RNF144B: variants seen among roughly 807,000 people sequenced by gnomAD.
RNF144B encodes the protein ring finger protein 144B, also known as E3 ubiquitin-protein ligase RNF144B.
RNF144B carries 25 observed loss-of-function variants against 40.2 expected under a neutral mutation model. The ratio of observed to expected loss-of-function variants is 0.62; its 90% CI spans 0.45 to 0.87. The LOEUF is 0.87. Ranked by LOEUF, RNF144B falls within the 40% of genes least tolerant of loss-of-function variation. The pLI is 0.00. For synonymous variants in RNF144B, 145 were observed against 136.3 expected, an observed-to-expected ratio of 1.06 and a Z score of -0.44; for missense variants, 365 against 373.7, an observed-to-expected ratio of 0.98 and a Z score of 0.19.
chr6:18,449,065 A>G (rs1759150235), intron 4 of RNF144B, among the ~76,000 whole-genome samples: 1 of 152,214 alleles, frequency 6.6e-6, no homozygotes, highest in Non-Finnish European at 1.5e-5. Flanking sequence ...GATGGTTTCT[A>G]TAGTGAGTAG....
Position 18,442,035 on chromosome 6 carries a change from T to A in RNF144B, c.331+2291T>A, listed in dbSNP as rs1256039617. On this transcript the variant is annotated intron_variant, in intron 4 of 7. Transcript: ENST00000259939. The surrounding 1 kb of genome is among the most constrained non-coding windows in gnomAD (Gnocchi z 4.3). ...ATACTGAAGTAGATATTATTGATTG[T>A]CTTGTTGTCAGTGGGATTAGAACAC... 6.6e-6 allele frequency among the ~76,000 whole-genome samples: 1 copy of A among 152,230 alleles called. No homozygotes were observed. Among genetic ancestry groups the A allele is most frequent in the African/African-American group, 2.4e-5 (1 of 41,456 alleles).
chr6:18,448,375 G>T lies in RNF144B; in HGVS notation c.331+8631G>T, dbSNP rs1759131581. Among the ~76,000 whole-genome samples, 1 of 152,094 alleles carries T rather than the reference G, an allele frequency of 6.6e-6. No homozygotes were observed. The highest frequency in any genetic ancestry group is 2.4e-5 in the African/African-American group (1 of 41,418). On this transcript the variant is annotated intron_variant, in intron 4 of 7. Coordinates refer to ENST00000259939, the MANE Select transcript of RNF144B (RefSeq NM_182757.4). This position sits in a 1 kb window ranked among gnomAD's most constrained non-coding sequence, Gnocchi z 4.0. ...GGACATGGATGCAGGCAGCCTAGTA[G>T]ATTGGTCTGCATGGGTTCTCTTCTA...
At position 18,446,610 on chromosome 6, in the gene RNF144B, G is replaced by T. The variant is rs905780868; in HGVS notation, c.331+6866G>T. Among the ~76,000 whole-genome samples, 1 of 152,116 alleles carries T rather than the reference G, an allele frequency of 6.6e-6. No individual in the cohort carries two copies. The highest frequency in any genetic ancestry group is 1.5e-5 in the Non-Finnish European group (1 of 68,022). ...TACTGATGCTATGTCTTATATTTCT[G>T]TTATGTCACTCCATTTAGTTACACA... On this transcript the variant is annotated intron_variant, in intron 4 of 7. Coordinates refer to ENST00000259939, the MANE Select transcript of RNF144B (RefSeq NM_182757.4). The surrounding 1 kb of genome is among the most constrained non-coding windows in gnomAD (Gnocchi z 4.7).
At chr6:18,440,866 G>A (rs1418559089) in intron 4 of RNF144B, among the ~76,000 whole-genome samples, 2 of 148,020 alleles carry the variant, frequency 1.4e-5, no homozygotes, top group African/African-American at 5.0e-5. Context: ...TAACTCATAA[G>A]GCTGATATAT....
chr6:18,428,580 T>C (rs1053980131), intron 3 of RNF144B, among the ~76,000 whole-genome samples: 2 of 152,162 alleles, frequency 1.3e-5, no homozygotes, highest in African/African-American at 2.4e-5. Context: ...TAAATTAGAA[T>C]ATAATGAACT....
At chr6:18,435,886 G>T (rs918212725) in intron 3 of RNF144B, among the ~76,000 whole-genome samples, 1 of 143,016 alleles carries the variant, frequency 7.0e-6, no homozygotes, top group Admixed American at 7.0e-5. Context: ...GTTGGGGGAG[G>T]GGGGAGGGAT....
chr6:18,442,040 T>A lies in RNF144B; in HGVS notation c.331+2296T>A, dbSNP rs1198701980. On this transcript the variant is annotated intron_variant, in intron 4 of 7. Transcript: ENST00000259939. This position sits in a 1 kb window ranked among gnomAD's most constrained non-coding sequence, Gnocchi z 4.3. ...GAAGTAGATATTATTGATTGTCTTG[T>A]TGTCAGTGGGATTAGAACACTTGAA... 6.6e-6 allele frequency among the ~76,000 whole-genome samples: 1 copy of A among 152,230 alleles called. No homozygotes were observed. Among genetic ancestry groups the A allele is most frequent in the Non-Finnish European group, 1.5e-5 (1 of 68,052 alleles).
chr6:18,395,062 A>G lies in RNF144B; in HGVS notation c.-36-4437A>G, dbSNP rs1433223624. Among the ~76,000 whole-genome samples the G allele has an allele frequency of 1.3e-5, 2 of 152,226 alleles. No individual in the cohort carries two copies. Among genetic ancestry groups the G allele is most frequent in the Non-Finnish European group, 2.9e-5 (2 of 68,048 alleles). Reference sequence around the variant, plus strand: ...GGTGCCCCTTGCATTCTCTGCCAAAATTCTTTTCACAAGGGGTTCTTGACA... The same window carrying G: ...GGTGCCCCTTGCATTCTCTGCCAAAGTTCTTTTCACAAGGGGTTCTTGACA... On this transcript the variant is annotated intron_variant, in intron 1 of 7. Coordinates refer to ENST00000259939, the MANE Select transcript of RNF144B (RefSeq NM_182757.4). The surrounding 1 kb of genome is among the most constrained non-coding windows in gnomAD (Gnocchi z 4.5).
At chr6:18,428,775 T>C (rs943405043) in intron 3 of RNF144B, among the ~76,000 whole-genome samples, 23 of 152,194 alleles carry the variant, frequency 1.5e-4, no homozygotes, top group Admixed American at 1.2e-3. Context: ...GGTGTTGCTT[T>C]CAGATAGGGA....
intron 2 of RNF144B, among the ~76,000 whole-genome samples, chr6:18,411,787 C>T (rs114383402): frequency 0.026 from 3,915 of 152,162 alleles, 70 homozygotes; most frequent in Middle Eastern, 0.048. Context: ...AGCCACCACG[C>T]CCAGCCCACC....
chr6:18,434,337 C>A lies in RNF144B; in HGVS notation c.271-5347C>A, dbSNP rs142401694. ...TGTGGTGAGCAGGCTTCACTTTCTG[C>A]CTCCCTTTTTTGCTTTGTTTTTTTC... On this transcript the variant is annotated intron_variant, in intron 3 of 7. Coordinates refer to ENST00000259939, the MANE Select transcript of RNF144B (RefSeq NM_182757.4). The surrounding 1 kb of genome is among the most constrained non-coding windows in gnomAD (Gnocchi z 4.1). Among the ~76,000 whole-genome samples, 1 of 151,898 alleles carries A rather than the reference C, an allele frequency of 6.6e-6. No homozygotes were observed. The highest frequency in any genetic ancestry group is 1.9e-4 in the East Asian group (1 of 5,182).
intron 2 of RNF144B, among the ~76,000 whole-genome samples, chr6:18,420,441 G>A (rs1795235563): frequency 6.6e-6 from 1 of 152,060 alleles, no homozygotes; most frequent in Non-Finnish European, 1.5e-5. Flanking sequence ...ATGAAGAGGA[G>A]CAGATATAAT....
intron 1 of RNF144B, among the ~76,000 whole-genome samples, chr6:18,393,339 C>A (rs562156894): frequency 6.6e-6 from 1 of 152,272 alleles, no homozygotes; most frequent in Non-Finnish European, 1.5e-5. Context: ...AGTAGAGCTA[C>A]AACACTGGCC....
In RNF144B at chr6:18,460,953, T is replaced by C. The variant is rs914085095; in HGVS notation, c.681+1202T>C. ...TATCAGCGTAAGCCCTCAGTTACCATTGAGTTGCTATTCTTTTCTCAGCTC... is the reference window on the plus strand; with the variant it reads ...TATCAGCGTAAGCCCTCAGTTACCACTGAGTTGCTATTCTTTTCTCAGCTC... On this transcript the variant is annotated intron_variant, in intron 6 of 7. Transcript: ENST00000259939. The surrounding 1 kb of genome is among the most constrained non-coding windows in gnomAD (Gnocchi z 4.4). Among the ~76,000 whole-genome samples the C allele has an allele frequency of 7.2e-5, 11 of 152,342 alleles. No individual in the cohort carries two copies. The highest frequency in any genetic ancestry group is 2.4e-4 in the African/African-American group (10 of 41,592).
chr6:18,392,724 A>G (rs1794610042), intron 1 of RNF144B, among the ~76,000 whole-genome samples: 1 of 152,194 alleles, frequency 6.6e-6, no homozygotes, highest in East Asian at 1.9e-4. Flanking sequence ...CACCTCACAG[A>G]GCCTGAATAG....
intron 4 of RNF144B, among the ~76,000 whole-genome samples, chr6:18,452,779 A>G (rs1233947535): frequency 6.6e-6 from 1 of 152,044 alleles, no homozygotes; most frequent in Non-Finnish European, 1.5e-5. Context: ...TTCTATATAT[A>G]CATATTTTTA....
At position 18,442,975 on chromosome 6, in the gene RNF144B, A is replaced by G. The variant is rs1758997872; in HGVS notation, c.331+3231A>G. ...GTTGTTTCCACCTTTTGGCTACTGT[A>G]AGTAATGCTGCTGTGAACACTGGGG... On this transcript the variant is annotated intron_variant, in intron 4 of 7. Coordinates refer to ENST00000259939, the MANE Select transcript of RNF144B (RefSeq NM_182757.4). This position sits in a 1 kb window ranked among gnomAD's most constrained non-coding sequence, Gnocchi z 4.3. Among the ~76,000 whole-genome samples the G allele has an allele frequency of 6.6e-6, 1 of 152,184 alleles. No individual in the cohort carries two copies. The highest frequency in any genetic ancestry group is 1.5e-5 in the Non-Finnish European group (1 of 68,024).
At chr6:18,387,695 A>G (rs1006632457) in intron 1 of RNF144B, 65 bp downstream of exon 1, 3 of 1,239,206 alleles carry the variant, frequency 2.4e-6, no homozygotes, top group Non-Finnish European at 3.1e-6. Flanking sequence ...TGCTGGACTA[A>G]GGAAAAAGGA....
chr6:18,426,843 T>C (rs2113498187), intron 2 of RNF144B, among the ~76,000 whole-genome samples: 1 of 151,914 alleles, frequency 6.6e-6, no homozygotes, highest in Non-Finnish European at 1.5e-5. Flanking sequence ...GGGTTTCTTT[T>C]TTCTATTCAA....
Sources: gnomAD v4.1 joint callset for allele counts (sites outside exome capture counted in the v4.1 genomes callset) on GRCh38, gnomAD v4.1.1 for gene constraint, Gnocchi (gnomAD v3.1) non-coding constraint, MANE v1.5 for transcripts, NCBI Gene and HGNC (gene_info 2026-07-23, HGNC 2026-07-21) for gene names.